Variants in GALNT7 observed in about 807,000 individuals in gnomAD.
The protein encoded by GALNT7 is polypeptide N-acetylgalactosaminyltransferase 7, also known as N-acetylgalactosaminyltransferase 7.
In GALNT7, 60 loss-of-function variants were observed where a neutral mutation model predicts 82.1. That is an observed-to-expected ratio of 0.73 (90% CI 0.59 to 0.91). The LOEUF is 0.91. GALNT7 is among the 40% of genes least tolerant of loss of function. The pLI is 0.00. For missense variants in GALNT7, 660 were observed against 804.2 expected, an observed-to-expected ratio of 0.82 and a Z score of 2.17; for synonymous variants, 243 against 275.1, an observed-to-expected ratio of 0.88 and a Z score of 1.15.
At chr4:173,247,302 C>A (rs1734678082) in intron 1 of GALNT7, among the ~76,000 whole-genome samples, 1 of 150,912 alleles carries the variant, frequency 6.6e-6, no homozygotes, top group East Asian at 1.9e-4. Flanking sequence ...TATCCTTGTA[C>A]AAAGAATCTG....
intron 2 of GALNT7, among the ~76,000 whole-genome samples, chr4:173,284,756 T>C (rs1021634045): frequency 2.3e-4 from 35 of 151,946 alleles, no homozygotes; most frequent in African/African-American, 8.2e-4. Context: ...ACCTTTTCAT[T>C]AGCCCTTATT....
rs5864189 is a variant in GALNT7, at chr4:173,197,063, C to CTTTT, written c.126+28119_126+28122dup. On this transcript the variant is annotated intron_variant, in intron 1 of 11. Coordinates refer to ENST00000265000, the MANE Select transcript of GALNT7 (RefSeq NM_017423.3). ...TTAGATTCTCTATCTCTCTCTCTCCCTTTTTTTTTTTTTTTTTTTTGACAG... is the reference window on the plus strand; with the variant it reads ...TTAGATTCTCTATCTCTCTCTCTCCCTTTTTTTTTTTTTTTTTTTTTTTTGACAG... 3.9e-3 allele frequency among the ~76,000 whole-genome samples: 463 copies of CTTTT among 117,920 alleles called. 11 individuals carry two copies. The highest frequency in any genetic ancestry group is 4.6e-3 in the African/African-American group (142 of 30,884). 77.4% of individuals were successfully genotyped at this position (117,920 alleles called of 152,430 possible). A position where few individuals can be genotyped will look rare whatever the true frequency, so the allele number is the denominator to read the frequency against.
chr4:173,318,714 G>T (rs1157214600), intron 11 of GALNT7, 155 bp downstream of exon 11: 2 of 540,908 alleles, frequency 3.7e-6, no homozygotes, highest in Admixed American at 7.3e-5. Context: ...CCTGAGCACT[G>T]GATGACTCAT....
intron 1 of GALNT7, among the ~76,000 whole-genome samples, chr4:173,220,348 A>G (rs1469541790): frequency 4.6e-5 from 7 of 152,018 alleles, no homozygotes; most frequent in South Asian, 2.1e-4. Flanking sequence ...CTGTTGTTCT[A>G]TATGCCTATT....
At position 173,304,052 on chromosome 4, in the gene GALNT7, C is replaced by G. The variant is rs1334775662; in HGVS notation, c.1323C>G (p.Ile441Met). Reference sequence around the variant, plus strand: ...TTCCTTGTTCTCGTGTTGGACATATCTACCGTCTTGAGGGCTGGCAAGGAA... The same window carrying G: ...TTCCTTGTTCTCGTGTTGGACATATGTACCGTCTTGAGGGCTGGCAAGGAA... ...LFVPCSRVGHIYRLEGWQGNP... is the reference protein window; with the variant it reads ...LFVPCSRVGHMYRLEGWQGNP... Residue 441 changes from isoleucine (I) to methionine (M), a missense_variant, in exon 8 of 12, where the codon ATC becomes ATG. Coordinates refer to ENST00000265000, the MANE Select transcript of GALNT7 (RefSeq NM_017423.3). 6.2e-7 allele frequency: 1 copy of G among 1,611,974 alleles called. No homozygotes were observed. The highest frequency in any genetic ancestry group is 8.5e-7 in the Non-Finnish European group (1 of 1,178,318).
In GALNT7 at chr4:173,292,183, A is replaced by C. The variant is rs1736567051; in HGVS notation, c.663A>C (p.Ser221=). 6.2e-7 allele frequency: 1 copy of C among 1,607,346 alleles called. No individual in the cohort carries two copies. Among genetic ancestry groups the C allele is most frequent in the Non-Finnish European group, 8.5e-7 (1 of 1,175,424 alleles). ...VVIVFHNEGW[S]TLMRTVHSVI... ...TTGTCTTCCATAATGAAGGATGGTCAACCCTCATGAGAACAGTCCACAGTG... is the reference window on the plus strand; with the variant it reads ...TTGTCTTCCATAATGAAGGATGGTCCACCCTCATGAGAACAGTCCACAGTG... The change falls in exon 3 of 12, where the codon TCA becomes TCC. Residue 221 remains serine (S), a synonymous_variant. Coordinates refer to ENST00000265000, the MANE Select transcript of GALNT7 (RefSeq NM_017423.3). The surrounding 1 kb of genome is among the most constrained non-coding windows in gnomAD (Gnocchi z 4.8).
chr4:173,279,869 G>A (rs1482989998), intron 2 of GALNT7, among the ~76,000 whole-genome samples: 1 of 152,096 alleles, frequency 6.6e-6, no homozygotes, highest in African/African-American at 2.4e-5. Flanking sequence ...CAGCTCTTCG[G>A]GGGGCTGAGG....
At position 173,321,815 on chromosome 4, in the gene GALNT7, G is replaced by C. The variant is rs1158840431; in HGVS notation, c.*98G>C. 6 of 755,628 alleles carry C rather than the reference G, an allele frequency of 7.9e-6. No individual in the cohort carries two copies. The highest frequency in any genetic ancestry group is 3.1e-4 in the Middle Eastern group (1 of 3,244). The allele number at this position is 755,628 out of a possible 1,614,324, so 46.8% of individuals were successfully genotyped here. On this transcript the variant is annotated 3_prime_UTR_variant, in exon 12 of 12. Transcript: ENST00000265000. ...TGCTGCAACTATTGTTATTAACTCT[G>C]TATAGCTCCAAACCTGGAACCTCCT...
intron 1 of GALNT7, among the ~76,000 whole-genome samples, chr4:173,247,777 G>A (rs928594853): frequency 3.3e-5 from 5 of 152,166 alleles, no homozygotes; most frequent in African/African-American, 7.2e-5. Flanking sequence ...ATAGTAAGGC[G>A]AGGAGATAGC....
chr4:173,294,374 G>A (rs1736645839), intron 3 of GALNT7, among the ~76,000 whole-genome samples: 1 of 151,528 alleles, frequency 6.6e-6, no homozygotes, highest in African/African-American at 2.4e-5. Context: ...TATTAAAACT[G>A]GGTACCAAAA....
chr4:173,320,625 T>C lies in GALNT7; in HGVS notation c.1837-955T>C, dbSNP rs1346630894. Among the ~76,000 whole-genome samples, 1 of 152,166 alleles carries C rather than the reference T, an allele frequency of 6.6e-6. No homozygotes were observed. The highest frequency in any genetic ancestry group is 1.5e-5 in the Non-Finnish European group (1 of 68,016). On this transcript the variant is annotated intron_variant, in intron 11 of 11. Transcript: ENST00000265000. The surrounding 1 kb of genome is among the most constrained non-coding windows in gnomAD (Gnocchi z 4.1). Reference sequence around the variant, plus strand: ...TTTGTAAAGGGAGCGAGTACTTTAATAGCCGTTCATATAATTGTGGCTGTT... The same window carrying C: ...TTTGTAAAGGGAGCGAGTACTTTAACAGCCGTTCATATAATTGTGGCTGTT...
intron 1 of GALNT7, among the ~76,000 whole-genome samples, chr4:173,189,531 C>T (rs988303695): frequency 6.6e-6 from 1 of 152,158 alleles, no homozygotes; most frequent in Non-Finnish European, 1.5e-5. Flanking sequence ...AAATATACTT[C>T]CAAGAACATT....
intron 9 of GALNT7, 156 bp from the exon 10 acceptor site, chr4:173,317,478 T>C: frequency 3.4e-6 from 2 of 584,954 alleles, no homozygotes; most frequent in Non-Finnish European, 3.1e-6. Flanking sequence ...TTCAAAACTA[T>C]GTAAAGATTG....
intron 1 of GALNT7, among the ~76,000 whole-genome samples, chr4:173,198,364 G>GGCC (rs1312519350): frequency 1.3e-5 from 2 of 151,930 alleles, no homozygotes; most frequent in Admixed American, 6.6e-5. Context: ...CACCGCGCCC[G>GGCC]GCCTGGATTG....
chr4:173,305,929 A>G (rs1470757930), intron 8 of GALNT7, among the ~76,000 whole-genome samples: 1 of 152,064 alleles, frequency 6.6e-6, no homozygotes, highest in Non-Finnish European at 1.5e-5. Context: ...TATTTCTGGG[A>G]AAAATGTCCT....
intron 2 of GALNT7, among the ~76,000 whole-genome samples, chr4:173,288,250 T>C (rs1393416348): frequency 3.4e-5 from 4 of 118,154 alleles, no homozygotes; most frequent in Non-Finnish European, 6.3e-5. Flanking sequence ...GCCACTGCAC[T>C]CCAGCCTGGG....
At chr4:173,266,439 G>A (rs528408071) in intron 2 of GALNT7, among the ~76,000 whole-genome samples, 106 of 152,242 alleles carry the variant, frequency 7.0e-4, no homozygotes, top group Non-Finnish European at 1.2e-3. Flanking sequence ...TTCTAGGACC[G>A]ACCTTTCACT....
intron 2 of GALNT7, among the ~76,000 whole-genome samples, chr4:173,289,920 C>A (rs79948474): frequency 0.01 from 1,577 of 152,150 alleles, 55 homozygotes; most frequent in East Asian, 0.078. Flanking sequence ...TGCCTCAGTT[C>A]TAGAGGGTAT....
chr4:173,204,233 G>T (rs1733024995), intron 1 of GALNT7, among the ~76,000 whole-genome samples: 5 of 152,010 alleles, frequency 3.3e-5, no homozygotes, highest in Admixed American at 3.3e-4. Context: ...TATGTTATTT[G>T]CTTCTTTTCT....
Sources: gnomAD v4.1 joint callset for allele counts (sites outside exome capture counted in the v4.1 genomes callset) on GRCh38, gnomAD v4.1.1 for gene constraint, Gnocchi (gnomAD v3.1) non-coding constraint, MANE v1.5 for transcripts, NCBI Gene and HGNC (gene_info 2026-07-23, HGNC 2026-07-21) for gene names.